The following GALNTL6 variants were observed in gnomAD, a reference collection of about 807,000 sequenced individuals.
GALNTL6 encodes the protein polypeptide N-acetylgalactosaminyltransferase like 6, also known as polypeptide N-acetylgalactosaminyltransferase-like 6.
Under a neutral mutation model 73.7 loss-of-function variants are expected in GALNTL6, and 46 were observed. The observed-to-expected ratio is 0.62, with a 90% CI of 0.49 to 0.80. GALNTL6 has a LOEUF of 0.80. Ranked by LOEUF, GALNTL6 falls within the 30% of genes least tolerant of loss-of-function variation. GALNTL6 has a pLI of 0.00. For missense variants in GALNTL6, 604 were observed against 755.0 expected (o/e 0.80, Z 2.34); for synonymous variants, 259 against 263.7 (o/e 0.98, Z 0.17).
At chr4:172,311,902 A>G (rs1394479364) in intron 4 of GALNTL6, 150 bp downstream of exon 4, 1 of 545,508 alleles carries the variant, frequency 1.8e-6, no homozygotes, top group Non-Finnish European at 3.1e-6. Context: ...CATCTTAAAT[A>G]TACTTGACCT....
At chr4:172,270,479 A>G (rs1415240611) in intron 3 of GALNTL6, among the ~76,000 whole-genome samples, 1 of 152,146 alleles carries the variant, frequency 6.6e-6, no homozygotes, top group African/African-American at 2.4e-5. Flanking sequence ...CACCTCATCT[A>G]TCTTGGCTTG....
At chr4:172,905,053 C>T (rs758553177) in intron 8 of GALNTL6, among the ~76,000 whole-genome samples, 7 of 151,958 alleles carry the variant, frequency 4.6e-5, no homozygotes, top group African/African-American at 1.2e-4. Flanking sequence ...CTTTCTATGG[C>T]GATGATAACT....
rs571172866 is a variant in GALNTL6, at chr4:172,688,211, G to A, written c.554-121150G>A. The stretch of plus-strand genomic sequence containing the variant: ...GGAATAACCACTAAGTTAAATTTAT[G>A]GTAAATTATTAACAACCTAGGTAGC... On this transcript the variant is annotated intron_variant, in intron 5 of 12. Coordinates refer to ENST00000506823, the MANE Select transcript of GALNTL6 (RefSeq NM_001034845.3). Among the ~76,000 whole-genome samples the A allele has an allele frequency of 2.4e-4, 36 of 152,172 alleles. No homozygotes were observed. The East Asian group carries it at 5.4e-3, about 23-fold the overall frequency.
rs1289147479 is a variant in GALNTL6 at position 172,039,056 on chromosome 4, C to T, written c.139-190600C>T. ...TTTTGACACCAGGATATTTCATGAT[C>T]AGGCTCCACTAATTGTTCTATCTAC... is the stretch of plus-strand genomic sequence containing the variant. On this transcript the variant is annotated intron_variant, in intron 2 of 12. Coordinates refer to ENST00000506823, the MANE Select transcript of GALNTL6 (RefSeq NM_001034845.3). Among the ~76,000 whole-genome samples the T allele has an allele frequency of 2.6e-5, 4 of 152,164 alleles. No homozygotes were observed. In the East Asian group the frequency reaches 5.8e-4, roughly 22 times the overall value.
intron 5 of GALNTL6, among the ~76,000 whole-genome samples, chr4:172,767,008 C>A (rs564842706): frequency 6.6e-6 from 1 of 152,298 alleles, no homozygotes; most frequent in South Asian, 2.1e-4. Flanking sequence ...GCTATGAGAA[C>A]CCAGAACGAT....
intron 2 of GALNTL6, among the ~76,000 whole-genome samples, chr4:172,160,407 A>T (rs563788988): frequency 6.6e-6 from 1 of 152,236 alleles, no homozygotes; most frequent in Non-Finnish European, 1.5e-5. Context: ...ACAGGCTTCA[A>T]CACATCTGTT....
At chr4:172,304,513 A>G (rs898168604) in intron 3 of GALNTL6, among the ~76,000 whole-genome samples, 2 of 152,186 alleles carry the variant, frequency 1.3e-5, no homozygotes, top group African/African-American at 4.8e-5. Context: ...TCTCCAAAAA[A>G]TCATATTTGA....
At chr4:172,064,435 C>A (rs1441259440) in intron 2 of GALNTL6, among the ~76,000 whole-genome samples, 1 of 152,174 alleles carries the variant, frequency 6.6e-6, no homozygotes, top group Non-Finnish European at 1.5e-5. Context: ...AAAGTGTATT[C>A]TAGGTCATAG....
At chr4:172,861,191 A>T (rs1744373266) in intron 7 of GALNTL6, among the ~76,000 whole-genome samples, 1 of 152,218 alleles carries the variant, frequency 6.6e-6, no homozygotes, top group Non-Finnish European at 1.5e-5. Context: ...GCACTGGGTT[A>T]GGTGAGATTT....
chr4:171,895,050 C>T lies in GALNTL6; in HGVS notation c.138+80332C>T, dbSNP rs1736870358. Among the ~76,000 whole-genome samples, 8 of 152,014 alleles carry T rather than the reference C, an allele frequency of 5.3e-5. 1 individual carries two copies. The South Asian group carries it at 1.7e-3, about 32-fold the overall frequency. ...AGTCAGACAGAACACTTAGAAGAGA[C>T]CATATATGATTTAATTTTAATTATT... On this transcript the variant is annotated intron_variant, in intron 2 of 12. Coordinates refer to ENST00000506823, the MANE Select transcript of GALNTL6 (RefSeq NM_001034845.3).
chr4:172,622,430 A>G (rs1262253500), intron 5 of GALNTL6, among the ~76,000 whole-genome samples: 1 of 152,208 alleles, frequency 6.6e-6, no homozygotes, highest in Non-Finnish European at 1.5e-5. Flanking sequence ...CATTAAAAAG[A>G]CAAAGAGGTA....
At chr4:171,964,639 T>G (rs113209747) in intron 2 of GALNTL6, among the ~76,000 whole-genome samples, 133 of 152,344 alleles carry the variant, frequency 8.7e-4, no homozygotes, top group African/African-American at 2.9e-3. Context: ...TATATTGTAT[T>G]TTCTTTCATT....
At chr4:172,562,364 G>A (rs1269946174) in intron 5 of GALNTL6, among the ~76,000 whole-genome samples, 1 of 152,178 alleles carries the variant, frequency 6.6e-6, no homozygotes, top group Admixed American at 6.5e-5. Context: ...CCAAAATGAA[G>A]AGTGACTTAC....
At chr4:171,913,822 A>G (rs911633796) in intron 2 of GALNTL6, among the ~76,000 whole-genome samples, 1 of 151,448 alleles carries the variant, frequency 6.6e-6, no homozygotes, top group Non-Finnish European at 1.5e-5. Context: ...GTTTGAAAAA[A>G]GTATGGATTT....
At chr4:172,440,580 A>G (rs1466491627) in intron 5 of GALNTL6, among the ~76,000 whole-genome samples, 2 of 152,230 alleles carry the variant, frequency 1.3e-5, no homozygotes, top group South Asian at 4.1e-4. Flanking sequence ...ATACATTTAC[A>G]ACATCAAGAG....
chr4:172,624,058 A>G (rs932909512), intron 5 of GALNTL6, among the ~76,000 whole-genome samples: 5 of 152,274 alleles, frequency 3.3e-5, no homozygotes, highest in East Asian at 3.9e-4. Context: ...TGACAACTAT[A>G]TGGATCATCC....
intron 2 of GALNTL6, among the ~76,000 whole-genome samples, chr4:171,935,370 C>T (rs2111003470): frequency 6.6e-6 from 1 of 152,180 alleles, no homozygotes. Flanking sequence ...GAGGATAGCA[C>T]CCAACAGACT....
At chr4:172,368,694 C>T (rs574693097) in intron 5 of GALNTL6, among the ~76,000 whole-genome samples, 96 of 151,932 alleles carry the variant, frequency 6.3e-4, no homozygotes, top group Middle Eastern at 3.4e-3. Flanking sequence ...ATGTTGTAGC[C>T]GGAGTTTGTT....
chr4:172,552,843 A>AAAAAAAAC (rs1553960360), intron 5 of GALNTL6, among the ~76,000 whole-genome samples: 4 of 149,552 alleles, frequency 2.7e-5, no homozygotes, highest in Admixed American at 1.3e-4. Context: ...GCAGTAAAAA[A>AAAAAAAAC]AAAAAAAAAA....
Sources: allele counts gnomAD v4.1 joint callset (sites outside exome capture counted in the v4.1 genomes callset), GRCh38; gene constraint gnomAD v4.1.1; transcripts MANE v1.5; gene names NCBI Gene and HGNC (gene_info 2026-07-23, HGNC 2026-07-21).